The following IGF2R variants were observed in gnomAD, a reference collection of about 807,000 sequenced individuals.
IGF2R encodes the protein insulin like growth factor 2 receptor.
IGF2R carries 91 observed loss-of-function variants against 270.6 expected under a neutral mutation model. The ratio of observed to expected loss-of-function variants is 0.34; its 90% confidence interval spans 0.28 to 0.40. The LOEUF is 0.40. Ranked by LOEUF, IGF2R falls within the 10% of genes least tolerant of loss-of-function variation. IGF2R has a pLI of 1.00. For synonymous variants in IGF2R, 1,316 were observed against 1,258.9 expected, an observed-to-expected ratio of 1.05 and a Z score of -0.96; for missense variants, 2,805 against 3,188.3, an observed-to-expected ratio of 0.88 and a Z score of 2.90.
At chr6:160,089,436 C>T (rs1365115740) in intron 43 of IGF2R, among the ~76,000 whole-genome samples, 183 bp downstream of exon 43, 1 of 152,226 alleles carries the variant, frequency 6.6e-6, no homozygotes, top group Non-Finnish European at 1.5e-5. Context: ...TAAGTTTTAA[C>T]ACCAAAGATG....
intron 34 of IGF2R, 54 bp downstream of exon 34, chr6:160,073,523 CG>C: frequency 1.3e-6 from 2 of 1,588,474 alleles, no homozygotes; most frequent in Non-Finnish European, 8.6e-7. Flanking sequence ...TGGCTGCACC[CG>C]GGCCCCTTCG....
intron 11 of IGF2R, among the ~76,000 whole-genome samples, 167 bp from the exon 12 acceptor site, chr6:160,042,981 T>G (rs997445230): frequency 6.6e-6 from 1 of 152,120 alleles, no homozygotes; most frequent in Non-Finnish European, 1.5e-5. Flanking sequence ...TCTCGGTGAA[T>G]TTTTGTGCTT....
intron 6 of IGF2R, among the ~76,000 whole-genome samples, chr6:160,028,880 T>G (rs558795456): frequency 1.8e-4 from 27 of 152,178 alleles, no homozygotes; most frequent in Admixed American, 2.0e-4. Context: ...TTTGCTTGTT[T>G]TAGTCAAATG....
chr6:159,969,250 G>C lies in IGF2R; in HGVS notation c.4G>C (p.Gly2Arg). M[G>R]AAAGRSPHLG... ...CGCGCAGTCCGGGCCCGGCGCGATG[G>C]GGGCCGCCGCCGGCCGGAGCCCCCA... The change falls in exon 1 of 48, where the codon GGG becomes CGG. Residue 2 changes from glycine to arginine, a missense_variant. Gly to Arg is a moderately radical substitution (Grantham distance 125). Coordinates refer to ENST00000356956, the MANE Select transcript of IGF2R (RefSeq NM_000876.4). The C allele has an allele frequency of 1.9e-6, 2 of 1,044,406 alleles. No individual in the cohort carries two copies. Among genetic ancestry groups the C allele is most frequent in the Non-Finnish European group, 1.1e-6 (1 of 871,378 alleles). 64.7% of individuals were successfully genotyped at this position (1,044,406 alleles called of 1,614,324 possible).
At chr6:160,081,815 C>T (rs1778988564) in intron 39 of IGF2R, among the ~76,000 whole-genome samples, 3 of 152,234 alleles carry the variant, frequency 2.0e-5, no homozygotes, top group Non-Finnish European at 4.4e-5. Flanking sequence ...TCTGTCCTCA[C>T]CGGCCCACAG....
chr6:160,063,681 AT>A lies in IGF2R; in HGVS notation c.3886+53del, dbSNP rs773667594. 5.9e-5 allele frequency: 82 copies of A among 1,397,590 alleles called. No homozygotes were observed. In the African/African-American group the frequency reaches 9.2e-4, roughly 16 times the overall value. 86.6% of individuals were successfully genotyped at this position (1,397,590 alleles called of 1,614,324 possible). A position where few individuals can be genotyped will look rare whatever the true frequency, so the allele number is the denominator to read the frequency against. Reference sequence around the variant, plus strand: ...TGTTGCAAAGGAATGGAATTAAAATATTAAAATATTTTGCTGAAGATGAATT... The same window carrying A: ...TGTTGCAAAGGAATGGAATTAAAATATAAAATATTTTGCTGAAGATGAATT... On this transcript the variant is annotated intron_variant, in intron 27 of 47. Coordinates refer to ENST00000356956, the MANE Select transcript of IGF2R (RefSeq NM_000876.4).
chr6:160,060,780 A>G, intron 23 of IGF2R, 63 bp downstream of exon 23: 2 of 1,515,334 alleles, frequency 1.3e-6, no homozygotes, highest in Non-Finnish European at 1.8e-6. Context: ...GTGAGTGGAT[A>G]TGAAGGTGTG....
chr6:160,087,197 C>T (rs1025700195), intron 41 of IGF2R, among the ~76,000 whole-genome samples: 14 of 152,266 alleles, frequency 9.2e-5, no homozygotes, highest in African/African-American at 3.1e-4. Flanking sequence ...CCTAGAAAAC[C>T]ACAGTTGGTT....
At chr6:159,977,815 G>A (rs996980779) in intron 1 of IGF2R, among the ~76,000 whole-genome samples, 2 of 151,292 alleles carry the variant, frequency 1.3e-5, no homozygotes, top group African/African-American at 4.9e-5. Flanking sequence ...ATGTTTGTAG[G>A]CTAGGCGTGG....
chr6:160,068,459 T>G, intron 30 of IGF2R, 74 bp downstream of exon 30: 1 of 1,578,870 alleles, frequency 6.3e-7, no homozygotes, highest in Non-Finnish European at 8.6e-7. Context: ...AGAGGGGGCC[T>G]CCTCGTGGGG....
At chr6:159,981,148 G>A (rs1783792897) in intron 1 of IGF2R, among the ~76,000 whole-genome samples, 1 of 152,226 alleles carries the variant, frequency 6.6e-6, no homozygotes, top group Non-Finnish European at 1.5e-5. Context: ...CTCTTCTGCT[G>A]GAAGCTCTGG....
At chr6:160,057,826 A>C (rs574312525) in intron 20 of IGF2R, among the ~76,000 whole-genome samples, 197 bp from the exon 21 acceptor site, 1 of 152,318 alleles carries the variant, frequency 6.6e-6, no homozygotes, top group African/African-American at 2.4e-5. Context: ...GTCTGGGCTC[A>C]CACTTGGTAT....
Position 160,039,741 on chromosome 6 carries a change from T to C in IGF2R, c.1316-819T>C, listed in dbSNP as rs373842788. ...AAGGAGTGTTGTGCCCACGGACCCC[T>C]AGCCTGGAAAGGTGCAGGGATAGGA... is the stretch of plus-strand genomic sequence containing the variant. On this transcript the variant is annotated intron_variant, in intron 10 of 47. Transcript: ENST00000356956. 7.0e-4 allele frequency among the ~76,000 whole-genome samples: 106 copies of C among 152,238 alleles called. 2 individuals are homozygous for C. The highest frequency in any genetic ancestry group is 2.3e-3 in the African/African-American group (95 of 41,526).
chr6:159,993,672 T>C (rs1245510906), intron 2 of IGF2R, among the ~76,000 whole-genome samples: 1 of 152,178 alleles, frequency 6.6e-6, no homozygotes, highest in Non-Finnish European at 1.5e-5. Flanking sequence ...AGCTTTGTTC[T>C]TTTTGTTTAG....
At chr6:159,997,958 T>C (rs945537843) in intron 2 of IGF2R, among the ~76,000 whole-genome samples, 1 of 152,218 alleles carries the variant, frequency 6.6e-6, no homozygotes, top group Non-Finnish European at 1.5e-5. Flanking sequence ...CCTCTCTCTC[T>C]ACAAAGAGAC....
At chr6:160,044,186 A>G (rs1436440310) in intron 12 of IGF2R, among the ~76,000 whole-genome samples, 1 of 152,212 alleles carries the variant, frequency 6.6e-6, no homozygotes, top group East Asian at 1.9e-4. Context: ...GTCAGTTTAC[A>G]GTTGGTGCTG....
At chr6:160,008,178 A>G (rs550157093) in intron 2 of IGF2R, among the ~76,000 whole-genome samples, 1 of 152,240 alleles carries the variant, frequency 6.6e-6, no homozygotes, top group East Asian at 1.9e-4. Context: ...CACGGGTTGG[A>G]CAAGCTTGTG....
chr6:160,026,706 A>T (rs1341267525), intron 5 of IGF2R, among the ~76,000 whole-genome samples: 1 of 152,218 alleles, frequency 6.6e-6, no homozygotes, highest in South Asian at 2.1e-4. Flanking sequence ...TTAATCCTCC[A>T]CCAAACCTGT....
rs1450392237 is a variant in IGF2R at position 160,079,631 on chromosome 6, G to C, written c.5530G>C (p.Gly1844Arg). 6.4e-7 allele frequency: 1 copy of C among 1,553,078 alleles called. No homozygotes were observed. The highest frequency in any genetic ancestry group is 2.0e-5 in the Admixed American group (1 of 49,900). ...CGTTGGGGTGTGCACCTTTGCAGTC[G>C]GGCCAGAACAAGGAGGCTGTAAGGA... is the stretch of plus-strand genomic sequence containing the variant. ...YSVGVCTFAV[G>R]PEQGGCKDGG... Residue 1844 changes from glycine to arginine, a missense_variant, in exon 38 of 48, where the codon GGG becomes CGG. By Grantham distance (125) the Gly-to-Arg change is moderately radical (BLOSUM62 -2). Coordinates refer to ENST00000356956, the MANE Select transcript of IGF2R (RefSeq NM_000876.4).
Sources: allele counts gnomAD v4.1 joint callset (sites outside exome capture counted in the v4.1 genomes callset), GRCh38; gene constraint gnomAD v4.1.1; transcripts MANE v1.5; gene names NCBI Gene and HGNC (gene_info 2026-07-23, HGNC 2026-07-21).